Variants in PRDM1 observed in about 807,000 individuals in gnomAD.
PRDM1 encodes PR/SET domain 1, also known as PR domain zinc finger protein 1.
A neutral mutation model predicts 62.8 loss-of-function variants in PRDM1; 13 were observed. The ratio of observed to expected loss-of-function variants is 0.21; its 90% confidence interval spans 0.13 to 0.33. The LOEUF (loss-of-function observed/expected upper bound fraction) is 0.33. PRDM1 is among the 10% of genes least tolerant of loss of function. The pLI, the probability that PRDM1 is intolerant of heterozygous loss-of-function variation, is 1.00. For synonymous variants in PRDM1, 396 were observed against 417.6 expected, an observed-to-expected ratio of 0.95 and a Z score of 0.63; for missense variants, 895 against 1,058.8, an observed-to-expected ratio of 0.85 and a Z score of 2.15.
intron 1 of PRDM1, among the ~76,000 whole-genome samples, chr6:106,030,574 G>C (rs1772827056): frequency 6.6e-6 from 1 of 151,924 alleles, no homozygotes; most frequent in Non-Finnish European, 1.5e-5. Context: ...GACGGGGGTG[G>C]GGGGCAGGTA....
chr6:106,103,258 C>A (rs1203863925), intron 4 of PRDM1, among the ~76,000 whole-genome samples: 1 of 152,112 alleles, frequency 6.6e-6, no homozygotes, highest in Admixed American at 6.5e-5. Context: ...AAATTGGAAT[C>A]GAATCCCTCA....
At chr6:106,010,016 C>A (rs1214745045) in intron 1 of PRDM1, among the ~76,000 whole-genome samples, 1 of 152,178 alleles carries the variant, frequency 6.6e-6, no homozygotes, top group African/African-American at 2.4e-5. Flanking sequence ...CCATGCCTGG[C>A]CCTTCCTGAA....
At chr6:106,005,221 G>T (rs1043923718) in intron 1 of PRDM1, among the ~76,000 whole-genome samples, 3 of 152,230 alleles carry the variant, frequency 2.0e-5, no homozygotes, top group Non-Finnish European at 4.4e-5. Flanking sequence ...ATGTGCTAAT[G>T]AAGCCGAAAG....
rs1402307563 is a variant in PRDM1 at position 106,086,704 on chromosome 6, G to A, written c.42+109G>A. The A allele has an allele frequency of 2.4e-5, 24 of 1,004,932 alleles. No individual in the cohort carries two copies. The South Asian group carries it at 3.8e-4, about 16-fold the overall frequency. The allele number at this position is 1,004,932 out of a possible 1,614,324, so 62.3% of individuals were successfully genotyped here. On this transcript the variant is annotated intron_variant, in intron 1 of 6. Coordinates refer to ENST00000369096, the MANE Select transcript of PRDM1 (RefSeq NM_001198.4). ...ATTTTTTTTGGCTAATGTCGCAGTA[G>A]AAACATGCTTCTGCTTTAGTGCACT...
At chr6:106,018,800 T>C (rs1772656445) in intron 1 of PRDM1, among the ~76,000 whole-genome samples, 1 of 151,904 alleles carries the variant, frequency 6.6e-6, no homozygotes, top group African/African-American at 2.4e-5. Flanking sequence ...CTAGCTGAGG[T>C]GGTGTTTTCA....
chr6:106,039,579 C>T (rs1242033145), intron 1 of PRDM1, among the ~76,000 whole-genome samples: 1 of 152,136 alleles, frequency 6.6e-6, no homozygotes, highest in African/African-American at 2.4e-5. Context: ...AGGAAACAAC[C>T]ACAGCTATTT....
rs761125758 is a variant in PRDM1 at position 106,105,036 on chromosome 6, C to T, written c.876C>T (p.Pro292=). 1.2e-6 allele frequency: 2 copies of T among 1,614,156 alleles called. No individual in the cohort carries two copies. Among genetic ancestry groups the T allele is most frequent in the South Asian group, 1.1e-5 (1 of 91,082 alleles). ...DFRRRGSPEM[P]FYPRVVYPIR... ...GAAGACGTGGGAGCCCCGAAATGCC[C>T]TTCTACCCTCGGGTCGTTTACCCCA... Residue 292 remains proline, a synonymous_variant, in exon 5 of 7, where the codon CCC becomes CCT. Transcript: ENST00000369096.
chr6:106,072,602 C>T (rs1429234141), intron 1 of PRDM1, among the ~76,000 whole-genome samples: 1 of 152,220 alleles, frequency 6.6e-6, no homozygotes, highest in Non-Finnish European at 1.5e-5. Context: ...AACTCAAGAC[C>T]CGGATAGCTG....
chr6:106,105,513 C>A lies in PRDM1; in HGVS notation c.1353C>A (p.Leu451=), dbSNP rs765915166. 2 of 1,613,886 alleles carry A rather than the reference C, an allele frequency of 1.2e-6. No homozygotes were observed. The highest frequency in any genetic ancestry group is 2.2e-5 in the East Asian group (1 of 44,880). The change falls in exon 5 of 7, where the codon CTC becomes CTA. Residue 451 remains leucine (L), a synonymous_variant. Transcript: ENST00000369096. ...PRLCPVYSNL[L]GGGSLPHPML... ...TGTGCCCTGTCTACAGCAATCTCCT[C>A]GGTGGGGGCAGCCTGCCCCACCCCA...
chr6:106,089,116 A>G (rs1010766292), intron 2 of PRDM1, among the ~76,000 whole-genome samples: 8 of 152,214 alleles, frequency 5.3e-5, no homozygotes, highest in African/African-American at 1.7e-4. Flanking sequence ...TTCAAAGGGG[A>G]TGAAAACCCA....
intron 1 of PRDM1, among the ~76,000 whole-genome samples, chr6:105,999,393 C>CA (rs775068525): frequency 0.016 from 2,145 of 136,924 alleles, 20 homozygotes; most frequent in South Asian, 0.023. Flanking sequence ...CCCATGTCTA[C>CA]AAAAAAAAAA....
At chr6:106,051,717 A>AG (rs1773177316) in intron 1 of PRDM1, among the ~76,000 whole-genome samples, 1 of 152,194 alleles carries the variant, frequency 6.6e-6, no homozygotes, top group Admixed American at 6.5e-5. Context: ...GAGCCCTTGA[A>AG]GGGGGAAATG....
At chr6:106,076,838 A>G (rs1773612455) in intron 1 of PRDM1, among the ~76,000 whole-genome samples, 1 of 152,194 alleles carries the variant, frequency 6.6e-6, no homozygotes, top group South Asian at 2.1e-4. Context: ...GCTCTAGTTA[A>G]ACCTAATTAC....
intron 1 of PRDM1, among the ~76,000 whole-genome samples, chr6:106,039,439 T>C (rs1772963573): frequency 6.6e-6 from 1 of 152,238 alleles, no homozygotes; most frequent in African/African-American, 2.4e-5. Context: ...TAAGTTTCTG[T>C]ATAATTCAAC....
chr6:106,026,931 GAAAGAGA>G (rs1013694182), intron 1 of PRDM1, among the ~76,000 whole-genome samples: 38 of 152,182 alleles, frequency 2.5e-4, no homozygotes, highest in Non-Finnish European at 4.7e-4. Flanking sequence ...CAGCAAATGG[GAAAGAGA>G]ATGTAAGATG....
chr6:106,108,996 A>G lies in PRDM1; in HGVS notation c.*1510A>G. On this transcript the variant is annotated 3_prime_UTR_variant, in exon 7 of 7. Transcript: ENST00000369096. ...GTGTAGCAAAAAATGATGTATATTT[A>G]TAAATCTATTTATACCACTATATCA... 1 of 217,396 alleles carries G rather than the reference A, an allele frequency of 4.6e-6. No homozygotes were observed. Among genetic ancestry groups the G allele is most frequent in the East Asian group, 6.8e-5 (1 of 14,744 alleles). 13.5% of individuals were successfully genotyped at this position (217,396 alleles called of 1,614,324 possible). A position where few individuals can be genotyped will look rare whatever the true frequency, so the allele number is the denominator to read the frequency against.
chr6:106,095,775 A>G (rs896456871), intron 3 of PRDM1, 41 bp downstream of exon 3: 3 of 1,604,904 alleles, frequency 1.9e-6, no homozygotes, highest in South Asian at 1.1e-5. Flanking sequence ...AAATGTTAGG[A>G]AAAAATGGAG....
chr6:106,098,337 A>G, intron 3 of PRDM1: 1 of 985,340 alleles, frequency 1.0e-6, no homozygotes, highest in South Asian at 4.7e-5. Context: ...TTTCAGTAAG[A>G]GTGTACGTTT....
At chr6:106,029,896 G>A (rs1772818473) in intron 1 of PRDM1, among the ~76,000 whole-genome samples, 1 of 152,166 alleles carries the variant, frequency 6.6e-6, no homozygotes, top group Admixed American at 6.5e-5. Flanking sequence ...TAGGATTACA[G>A]GCATGAGCCA....
Sources: allele counts gnomAD v4.1 joint callset (sites outside exome capture counted in the v4.1 genomes callset), GRCh38; gene constraint gnomAD v4.1.1; transcripts MANE v1.5; gene names NCBI Gene and HGNC (gene_info 2026-07-23, HGNC 2026-07-21).